The following PCDH7 variants were observed in gnomAD, a reference collection of about 807,000 sequenced individuals.
The protein encoded by PCDH7 is protocadherin-7.
In PCDH7, 17 loss-of-function variants were observed where a neutral mutation model predicts 58.9. The observed-to-expected ratio is 0.29, with a 90% CI of 0.20 to 0.43. PCDH7 has a LOEUF of 0.43. PCDH7 is among the 20% of genes least tolerant of loss of function. The probability of loss-of-function intolerance (pLI) is 1.00; values close to 1 mark genes in which losing one functional copy is unlikely to be tolerated. For synonymous variants in PCDH7, 664 were observed against 616.4 expected, an observed-to-expected ratio of 1.08 and a Z score of -1.14; for missense variants, 1,274 against 1,441.0, an observed-to-expected ratio of 0.88 and a Z score of 1.88.
At chr4:31,013,379 G>T (rs1483773161) in intron 3 of PCDH7, among the ~76,000 whole-genome samples, 1 of 150,104 alleles carries the variant, frequency 6.7e-6, no homozygotes, top group African/African-American at 2.5e-5. Flanking sequence ...CAGAGAAAGA[G>T]TATGCCTATA....
rs777757001 is a variant in PCDH7, at chr4:30,723,510, C to T, written c.2088C>T (p.Ser696=). 3.1e-6 allele frequency: 5 copies of T among 1,614,116 alleles called. No homozygotes were observed. In the East Asian group the frequency reaches 8.9e-5, roughly 29 times the overall value. Reference sequence around the variant, plus strand: ...AAAATGACACGGGGACCATTTACTCCACAATGTCTTTTGACCGGGAACATC... The same window carrying T: ...AAAATGACACGGGGACCATTTACTCTACAATGTCTTTTGACCGGGAACATC... Residue 696 remains serine, a synonymous_variant, in exon 1 of 2, where the codon TCC becomes TCT. Transcript: ENST00000361762. The surrounding 1 kb of genome is among the most constrained non-coding windows in gnomAD (Gnocchi z 4.6).
intron 3 of PCDH7, among the ~76,000 whole-genome samples, chr4:31,073,737 C>T (rs1048624440): frequency 3.9e-5 from 6 of 152,236 alleles, no homozygotes; most frequent in East Asian, 1.9e-4. Context: ...TTTGCATACA[C>T]AATTTTATAA....
chr4:30,969,200 G>T (rs4358358), intron 3 of PCDH7, among the ~76,000 whole-genome samples: 20 of 151,986 alleles, frequency 1.3e-4, no homozygotes, highest in Admixed American at 5.9e-4. Context: ...TGCCCTTGCC[G>T]TACCAGCTAG....
intron 3 of PCDH7, among the ~76,000 whole-genome samples, chr4:31,137,600 A>G (rs1415530742): frequency 6.6e-6 from 1 of 152,218 alleles, no homozygotes; most frequent in East Asian, 1.9e-4. Flanking sequence ...AAAATAAAAT[A>G]AAACAAAATA....
chr4:30,836,743 G>C (rs1051774213), intron 1 of PCDH7, among the ~76,000 whole-genome samples: 1 of 151,996 alleles, frequency 6.6e-6, no homozygotes, highest in Admixed American at 6.5e-5. Context: ...TCTCACTCTA[G>C]CTGGTTCAGA....
At chr4:30,838,311 T>C (rs1730767355) in intron 1 of PCDH7, among the ~76,000 whole-genome samples, 1 of 152,102 alleles carries the variant, frequency 6.6e-6, no homozygotes, top group Admixed American at 6.6e-5. Flanking sequence ...GAATTTGATA[T>C]ACATTTTTTT....
At chr4:30,734,018 A>C (rs1289247231), downstream of PCDH7, among the ~76,000 whole-genome samples, 1 of 152,142 alleles carries the variant, frequency 6.6e-6, no homozygotes, top group African/African-American at 2.4e-5. Flanking sequence ...CAAAACCCTC[A>C]AGAATTAGGC....
At chr4:30,745,025 G>A (rs1717582647) in intron 1 of PCDH7, among the ~76,000 whole-genome samples, 1 of 152,084 alleles carries the variant, frequency 6.6e-6, no homozygotes, top group African/African-American at 2.4e-5. Flanking sequence ...TGGAACTTTT[G>A]CCATCATCGA....
chr4:31,102,497 C>G (rs897992412), intron 3 of PCDH7, among the ~76,000 whole-genome samples: 3 of 151,904 alleles, frequency 2.0e-5, no homozygotes, highest in Admixed American at 2.0e-4. Context: ...CTGAGGTGGG[C>G]AGATCACTTG....
intron 3 of PCDH7, among the ~76,000 whole-genome samples, chr4:31,097,637 T>TATAA (rs1553850696): frequency 5.6e-5 from 5 of 89,306 alleles, no homozygotes; most frequent in Non-Finnish European, 1.0e-4. Flanking sequence ...TATATATATA[T>TATAA]AAATCTTTTT....
chr4:31,079,959 G>A (rs1322013660), intron 3 of PCDH7, among the ~76,000 whole-genome samples: 1 of 152,018 alleles, frequency 6.6e-6, no homozygotes, highest in African/African-American at 2.4e-5. Context: ...TAAAATAGCA[G>A]GGATAAGAGT....
At chr4:31,060,812 A>G (rs922712616) in intron 3 of PCDH7, among the ~76,000 whole-genome samples, 2 of 151,778 alleles carry the variant, frequency 1.3e-5, no homozygotes, top group African/African-American at 4.8e-5. Context: ...CTTAGATAAT[A>G]CATCAGTAAT....
chr4:30,837,872 T>C (rs1349822070), intron 1 of PCDH7, among the ~76,000 whole-genome samples: 1 of 141,050 alleles, frequency 7.1e-6, no homozygotes, highest in Non-Finnish European at 1.5e-5. Context: ...TCAATTATTT[T>C]AAAAATATAT....
At chr4:30,860,718 T>C (rs112602255) in intron 1 of PCDH7, among the ~76,000 whole-genome samples, 54 of 152,322 alleles carry the variant, frequency 3.5e-4, no homozygotes, top group African/African-American at 7.0e-4. Context: ...AAAATTTTTA[T>C]GTAAAAATTA....
intron 1 of PCDH7, among the ~76,000 whole-genome samples, chr4:30,738,986 A>G (rs1384230558): frequency 2.6e-5 from 4 of 151,840 alleles, no homozygotes; most frequent in African/African-American, 9.7e-5. Flanking sequence ...CATGCAATAC[A>G]CGTTTTATCA....
chr4:31,085,899 G>A (rs1379855993), intron 3 of PCDH7, among the ~76,000 whole-genome samples: 5 of 145,044 alleles, frequency 3.4e-5, no homozygotes, highest in Non-Finnish European at 6.0e-5. Context: ...GAAATCTCAG[G>A]CTTTCATTTA....
chr4:31,019,804 A>G (rs1753892554), intron 3 of PCDH7, among the ~76,000 whole-genome samples: 1 of 151,996 alleles, frequency 6.6e-6, no homozygotes, highest in South Asian at 2.1e-4. Flanking sequence ...ATGCACACAC[A>G]CCCACAGGTA....
At chr4:30,833,689 G>T (rs1458003119) in intron 1 of PCDH7, among the ~76,000 whole-genome samples, 3 of 152,142 alleles carry the variant, frequency 2.0e-5, no homozygotes, top group Non-Finnish European at 4.4e-5. Context: ...ATATCAGGGA[G>T]AAAATGTAGA....
intron 1 of PCDH7, among the ~76,000 whole-genome samples, chr4:30,796,567 C>T (rs1724801218): frequency 6.6e-6 from 1 of 152,190 alleles, no homozygotes; most frequent in Non-Finnish European, 1.5e-5. Context: ...ATACTGGATT[C>T]AGATATTACA....
Sources: gnomAD v4.1 joint callset for allele counts (sites outside exome capture counted in the v4.1 genomes callset) on GRCh38, gnomAD v4.1.1 for gene constraint, Gnocchi (gnomAD v3.1) non-coding constraint, MANE v1.5 for transcripts, NCBI Gene and HGNC (gene_info 2026-07-23, HGNC 2026-07-21) for gene names.